The following FCN2 variants were observed in gnomAD, a reference collection of about 807,000 sequenced individuals.
The protein encoded by FCN2 is ficolin 2.
FCN2 carries 31 observed loss-of-function variants against 32.5 expected under a neutral mutation model. The observed-to-expected ratio is 0.96, with a 90% CI of 0.72 to 1.29. The LOEUF is 1.29. FCN2 is among the 50% of genes most tolerant of loss of function. FCN2 has a pLI of 0.00. For synonymous variants in FCN2, 181 were observed against 164.5 expected, an observed-to-expected ratio of 1.10 and a Z score of -0.77; for missense variants, 412 against 406.5, an observed-to-expected ratio of 1.01 and a Z score of -0.12.
chr9:134,868,922 C>T, the FCN2 span, among the ~76,000 whole-genome samples: 45 of 152,338 alleles, frequency 3.0e-4, no homozygotes, highest in South Asian at 5.0e-3. This position sits in a 1 kb window ranked among gnomAD's most constrained non-coding sequence, Gnocchi z 4.3. Flanking sequence ...AAAGTTTTAT[C>T]GGCACAGCCA....
chr9:134,873,932 A>G, the FCN2 span, among the ~76,000 whole-genome samples: 1 of 125,670 alleles, frequency 8.0e-6, no homozygotes, highest in African/African-American at 3.1e-5. Context: ...GTTTTTTGAT[A>G]TAGGATCTTG....
the FCN2 span, among the ~76,000 whole-genome samples, chr9:134,875,554 G>A: frequency 4.6e-5 from 7 of 152,318 alleles, no homozygotes. Flanking sequence ...CATCTTGCTG[G>A]TCTTGTTGCA....
At chr9:134,885,022 G>A (rs1830724363) in intron 4 of FCN2, among the ~76,000 whole-genome samples, 1 of 152,242 alleles carries the variant, frequency 6.6e-6, no homozygotes, top group African/African-American at 2.4e-5. Context: ...GGAGCTGAAG[G>A]TGGGGGTGAC....
At chr9:134,879,547 G>A (rs751682854), upstream of FCN2, among the ~76,000 whole-genome samples, 4 of 152,142 alleles carry the variant, frequency 2.6e-5, no homozygotes. Context: ...CATCTTTCTA[G>A]GTTCCATATC....
chr9:134,874,397 T>C, the FCN2 span, among the ~76,000 whole-genome samples: 2 of 152,224 alleles, frequency 1.3e-5, no homozygotes, highest in Non-Finnish European at 2.9e-5. Flanking sequence ...TTTTTCTATA[T>C]AGTGTGAGGT....
the FCN2 span, among the ~76,000 whole-genome samples, chr9:134,871,829 C>T: frequency 6.6e-6 from 1 of 152,152 alleles, no homozygotes; most frequent in Non-Finnish European, 1.5e-5. Flanking sequence ...CTTTGAAGTG[C>T]ACAACTTGAG....
upstream of FCN2, chr9:134,880,802 T>G (rs1403902476): frequency 6.2e-7 from 1 of 1,603,196 alleles, no homozygotes; most frequent in East Asian, 2.2e-5. Context: ...AGGCACCTTT[T>G]GAAGCAAAGA....
intron 5 of FCN2, among the ~76,000 whole-genome samples, 158 bp downstream of exon 5, chr9:134,885,524 G>C (rs1166559146): frequency 6.6e-6 from 1 of 152,102 alleles, no homozygotes; most frequent in Admixed American, 6.5e-5. Context: ...CCAGGCCTTT[G>C]GGGGAGGCTG....
the FCN2 span, among the ~76,000 whole-genome samples, chr9:134,866,517 A>G: frequency 6.7e-6 from 1 of 149,992 alleles, no homozygotes; most frequent in East Asian, 2.0e-4. Flanking sequence ...TAAATGTTAG[A>G]CCTAAAACCA....
At position 134,886,582 on chromosome 9, in the gene FCN2, G is replaced by T; in HGVS notation, c.694+18G>T. ...CAGTGCGGGTGAGTGTCTGCTTGGG[G>T]CTGTGTGGCCTGGGCTTCTGAGGGG... is the stretch of plus-strand genomic sequence containing the variant. On this transcript the variant is annotated intron_variant, in intron 7 of 7. Transcript: ENST00000291744. 2 of 1,613,470 alleles carry T rather than the reference G, an allele frequency of 1.2e-6. No individual in the cohort carries two copies. The highest frequency in any genetic ancestry group is 3.3e-5 in the Admixed American group (2 of 60,006).
At chr9:134,875,762 A>G in the FCN2 span, among the ~76,000 whole-genome samples, 4 of 152,168 alleles carry the variant, frequency 2.6e-5, no homozygotes, top group Non-Finnish European at 5.9e-5. Flanking sequence ...TTAAAAACAG[A>G]CCACTCCCCA....
chr9:134,886,518 G>A lies in FCN2; in HGVS notation c.648G>A (p.Ala216=), dbSNP rs751602743. 2.9e-5 allele frequency: 47 copies of A among 1,614,056 alleles called. 1 individual carries two copies. Among genetic ancestry groups the A allele is most frequent in the Middle Eastern group, 1.6e-4 (1 of 6,084 alleles). ...KYRSFKVADE[A]EKYNLVLGAF... Reference sequence around the variant, plus strand: ...GATCATTCAAGGTGGCCGACGAGGCGGAGAAGTACAATCTGGTCCTGGGGG... The same window carrying A: ...GATCATTCAAGGTGGCCGACGAGGCAGAGAAGTACAATCTGGTCCTGGGGG... The change falls in exon 7 of 8, where the codon GCG becomes GCA. Residue 216 remains alanine, a synonymous_variant. Transcript: ENST00000291744.
chr9:134,886,680 A>G, intron 7 of FCN2, 116 bp downstream of exon 7: 1 of 1,197,814 alleles, frequency 8.3e-7, no homozygotes, highest in Non-Finnish European at 1.2e-6. Context: ...CTCTGAGCCA[A>G]TTCGTCCATC....
the FCN2 span, among the ~76,000 whole-genome samples, chr9:134,865,796 G>A: frequency 6.6e-6 from 1 of 152,046 alleles, no homozygotes. Context: ...AAAGTCTCAG[G>A]ATACAAAATC....
chr9:134,883,855 G>C (rs1008798037), intron 3 of FCN2, among the ~76,000 whole-genome samples: 17 of 135,438 alleles, frequency 1.3e-4, no homozygotes, highest in African/African-American at 3.0e-4. Flanking sequence ...GGTTCTTAGT[G>C]GGGGGGCTGT....
the FCN2 span, among the ~76,000 whole-genome samples, chr9:134,867,982 G>T: frequency 6.6e-6 from 1 of 152,194 alleles, no homozygotes. Flanking sequence ...CCACAACCTT[G>T]TTACTATCCC....
At chr9:134,878,137 G>T (rs142911754), upstream of FCN2, among the ~76,000 whole-genome samples, 1 of 152,156 alleles carries the variant, frequency 6.6e-6, no homozygotes, top group Non-Finnish European at 1.5e-5. Context: ...GACTCAGATT[G>T]GGTCTCCTTG....
intron 1 of FCN2, 38 bp downstream of exon 1, chr9:134,880,959 G>T (rs544057300): frequency 6.8e-7 from 1 of 1,476,498 alleles, no homozygotes; most frequent in Non-Finnish European, 9.4e-7. Context: ...GAAACTTCTC[G>T]TCCCTGAAAG....
chr9:134,875,259 G>A, the FCN2 span, among the ~76,000 whole-genome samples: 1 of 152,310 alleles, frequency 6.6e-6, no homozygotes, highest in South Asian at 2.1e-4. Context: ...TCTTGCTCTT[G>A]GTTGTTCTAA....
Sources: allele counts gnomAD v4.1 joint callset (sites outside exome capture counted in the v4.1 genomes callset), GRCh38; gene constraint gnomAD v4.1.1; non-coding constraint Gnocchi (gnomAD v3.1); transcripts MANE v1.5; gene names NCBI Gene and HGNC (gene_info 2026-07-23, HGNC 2026-07-21).